The following CASS4 variants were observed in gnomAD, a reference collection of about 807,000 sequenced individuals.
CASS4 encodes the protein Cas scaffold protein family member 4, also known as cas scaffolding protein family member 4.
In CASS4, 22 loss-of-function variants were observed where a neutral mutation model predicts 54.2. The observed-to-expected ratio is 0.41, with a 90% CI of 0.29 to 0.58. The LOEUF (loss-of-function observed/expected upper bound fraction) is 0.58, where lower values mean the gene tolerates loss of function less well. CASS4 is among the 20% of genes least tolerant of loss of function. The probability of loss-of-function intolerance (pLI) is 0.36; values close to 1 mark genes in which losing one functional copy is unlikely to be tolerated. For synonymous variants in CASS4, 409 were observed against 391.5 expected, an observed-to-expected ratio of 1.04 and a Z score of -0.53; for missense variants, 854 against 986.7, an observed-to-expected ratio of 0.87 and a Z score of 1.80.
chr20:56,446,712 A>G (rs1980732711), intron 3 of CASS4, among the ~76,000 whole-genome samples: 1 of 152,196 alleles, frequency 6.6e-6, no homozygotes, highest in African/African-American at 2.4e-5. Flanking sequence ...CGTTGTATGC[A>G]AAAGCATCTG....
Position 56,447,490 on chromosome 20 carries a change from C to T in CASS4, c.561+1489C>T, listed in dbSNP as rs543905279. On this transcript the variant is annotated intron_variant, in intron 3 of 5. Transcript: ENST00000679887. ...GAGGCAGGCAGGGACAAAGGTCCTG[C>T]TCACCTGGTTCTGTTGGCAGATGTG... Among the ~76,000 whole-genome samples, 3 of 152,330 alleles carry T rather than the reference C, an allele frequency of 2.0e-5. No homozygotes were observed. In the East Asian group the frequency reaches 5.8e-4, roughly 29 times the overall value.
chr20:56,437,603 CT>C lies in CASS4; in HGVS notation c.459+18del. On this transcript the variant is annotated intron_variant, in intron 2 of 5. Transcript: ENST00000679887. The surrounding 1 kb of genome is among the most constrained non-coding windows in gnomAD (Gnocchi z 4.7). Reference sequence around the variant, plus strand: ...CCAAAACAGGTACGCATACTTCCACCTACTAGACATGGGTTGAGGGGTATGG... The same window carrying C: ...CCAAAACAGGTACGCATACTTCCACCACTAGACATGGGTTGAGGGGTATGG... 3 of 1,518,724 alleles carry C rather than the reference CT, an allele frequency of 2.0e-6. 1 individual carries two copies. The South Asian group carries it at 3.9e-5, about 20-fold the overall frequency. The allele number at this position is 1,518,724 out of a possible 1,614,324, so 94.1% of individuals were successfully genotyped here.
In CASS4 at chr20:56,458,510, G is replaced by A. The variant is rs766373165; in HGVS notation, c.2124G>A (p.Leu708=). 1 of 1,614,072 alleles carries A rather than the reference G, an allele frequency of 6.2e-7. No individual in the cohort carries two copies. Among genetic ancestry groups the A allele is most frequent in the Admixed American group, 1.7e-5 (1 of 59,998 alleles). Residue 708 remains leucine, a synonymous_variant, in exon 6 of 6, where the codon CTG becomes CTA. Transcript: ENST00000679887. ...CGGAGATCATCACTCAGAGCAAGCT[G>A]GTCATCATGGTGGGACAGAAGCTGG... is the stretch of plus-strand genomic sequence containing the variant. ...QPAEIITQSK[L]VIMVGQKLVD... is the part of the protein sequence containing the mutation.
intron 4 of CASS4, among the ~76,000 whole-genome samples, chr20:56,451,020 T>TAAAAAAAA (rs113539482): frequency 7.1e-6 from 1 of 140,490 alleles, no homozygotes; most frequent in Non-Finnish European, 1.6e-5. Context: ...ATACAAAAAT[T>TAAAAAAAA]AAAAAAAAAA....
intron 1 of CASS4, among the ~76,000 whole-genome samples, chr20:56,427,534 A>G (rs933980656): frequency 2.0e-5 from 3 of 152,148 alleles, no homozygotes; most frequent in African/African-American, 4.8e-5. Flanking sequence ...AAGGGAGACT[A>G]TTTACTTGAA....
At chr20:56,424,574 C>T (rs1979552141) in intron 1 of CASS4, among the ~76,000 whole-genome samples, 1 of 151,848 alleles carries the variant, frequency 6.6e-6, no homozygotes, top group African/African-American at 2.4e-5. Context: ...AACCCCGTCT[C>T]TACTAAAAAT....
chr20:56,416,269 C>T (rs1277125757), intron 1 of CASS4, among the ~76,000 whole-genome samples: 1 of 152,178 alleles, frequency 6.6e-6, no homozygotes, highest in African/African-American at 2.4e-5. Flanking sequence ...AGGCTGGTCT[C>T]GAACTCCTGA....
chr20:56,441,015 A>G, intron 2 of CASS4, among the ~76,000 whole-genome samples: 1 of 147,382 alleles, frequency 6.8e-6, no homozygotes, highest in East Asian at 2.0e-4. Flanking sequence ...TGGAGGCAGA[A>G]TCTCGCTCTG....
At chr20:56,442,876 C>T (rs1451604594) in intron 2 of CASS4, among the ~76,000 whole-genome samples, 2 of 151,786 alleles carry the variant, frequency 1.3e-5, no homozygotes, top group African/African-American at 2.4e-5. Flanking sequence ...ACTGGGCCTA[C>T]GTTTTCCAAG....
At chr20:56,435,854 G>A (rs956347186) in intron 1 of CASS4, among the ~76,000 whole-genome samples, 14 of 152,216 alleles carry the variant, frequency 9.2e-5, no homozygotes, top group African/African-American at 1.7e-4. Context: ...GGGTTCAAGC[G>A]ACTTTCCTGA....
At chr20:56,436,360 G>A (rs3970972) in intron 1 of CASS4, among the ~76,000 whole-genome samples, 82,567 of 137,342 alleles carry the variant, frequency 0.6, 26,242 homozygotes, top group Non-Finnish European at 0.72. Context: ...GTGTGTGTGT[G>A]TATATATATA....
chr20:56,443,045 G>A (rs1980530344), intron 2 of CASS4, among the ~76,000 whole-genome samples: 1 of 151,712 alleles, frequency 6.6e-6, no homozygotes. Flanking sequence ...TGGGCCTTGG[G>A]ACAGCATTTG....
intron 1 of CASS4, among the ~76,000 whole-genome samples, chr20:56,433,489 A>G (rs1980014227): frequency 6.6e-6 from 1 of 152,216 alleles, no homozygotes; most frequent in Non-Finnish European, 1.5e-5. Flanking sequence ...CCAAAGGGTA[A>G]TAGGGAGCCA....
chr20:56,458,289 C>T, intron 5 of CASS4, 51 bp from the exon 6 acceptor site: 1 of 1,532,854 alleles, frequency 6.5e-7, no homozygotes, highest in Non-Finnish European at 8.9e-7. Flanking sequence ...GGCAGACAGC[C>T]ACAGCCCATT....
intron 5 of CASS4, among the ~76,000 whole-genome samples, chr20:56,454,463 A>G (rs936477402): frequency 6.6e-6 from 1 of 152,236 alleles, no homozygotes; most frequent in South Asian, 2.1e-4. Context: ...GTGGGTCATT[A>G]TATCAGGCCA....
At chr20:56,445,339 C>T (rs1980653800) in intron 2 of CASS4, among the ~76,000 whole-genome samples, 2 of 152,220 alleles carry the variant, frequency 1.3e-5, no homozygotes, top group Non-Finnish European at 1.5e-5. Context: ...TCACCTCCTG[C>T]TTCCCTGCCT....
intron 1 of CASS4, among the ~76,000 whole-genome samples, chr20:56,434,765 GA>G (rs964094787): frequency 3.3e-5 from 5 of 151,316 alleles, no homozygotes; most frequent in African/African-American, 7.3e-5. Flanking sequence ...TTTTAAGTGG[GA>G]AAAAAAAGCA....
rs770375718 is a variant in CASS4 at position 56,458,359 on chromosome 20, C to T, written c.1973C>T (p.Pro658Leu). ...ICGQNPGPLI[P>L]QPSSQQTPER... ...CTTTAGAATCCTGGCCCTCTTATAC[C>T]TCAGCCTTCGAGTCAACAGACTCCT... Residue 658 changes from proline (P) to leucine (L), a missense_variant, in exon 6 of 6, where the codon CCT (proline) becomes CTT (leucine). Transcript: ENST00000679887. 3.2e-5 allele frequency: 52 copies of T among 1,612,112 alleles called. No homozygotes were observed. The highest frequency in any genetic ancestry group is 4.1e-5 in the Non-Finnish European group (48 of 1,178,398).
chr20:56,451,458 C>T (rs1431970959), intron 4 of CASS4, among the ~76,000 whole-genome samples: 2 of 152,042 alleles, frequency 1.3e-5, no homozygotes, highest in Non-Finnish European at 2.9e-5. Flanking sequence ...GGCATTTCGC[C>T]GTGTCAGGGG....
Sources: gnomAD v4.1 joint callset for allele counts (sites outside exome capture counted in the v4.1 genomes callset) on GRCh38, gnomAD v4.1.1 for gene constraint, Gnocchi (gnomAD v3.1) non-coding constraint, MANE v1.5 for transcripts, NCBI Gene and HGNC (gene_info 2026-07-23, HGNC 2026-07-21) for gene names.